TNFRSF1B: variants seen among roughly 807,000 people sequenced by gnomAD.
TNFRSF1B encodes TNF receptor superfamily member 1B.
In TNFRSF1B, 19 loss-of-function variants were observed where a neutral mutation model predicts 44.6. The observed-to-expected ratio is 0.43, with a 90% CI of 0.30 to 0.62. TNFRSF1B has a LOEUF of 0.62. TNFRSF1B is among the 20% of genes least tolerant of loss of function. TNFRSF1B has a pLI of 0.16. For missense variants in TNFRSF1B, 541 were observed against 619.9 expected (o/e 0.87, Z 1.35); for synonymous variants, 252 against 261.1 (o/e 0.97, Z 0.34).
intron 8 of TNFRSF1B, among the ~76,000 whole-genome samples, chr1:12,200,456 G>A (rs1041501550): frequency 6.6e-6 from 1 of 151,996 alleles, no homozygotes; most frequent in Non-Finnish European, 1.5e-5. Flanking sequence ...AGGAATTTCA[G>A]GCTTTGTGGA....
Position 12,169,006 on chromosome 1 carries a change from C to T in TNFRSF1B, c.78+1837C>T, listed in dbSNP as rs1473391843. On this transcript the variant is annotated intron_variant, in intron 1 of 9. Transcript: ENST00000376259. This position sits in a 1 kb window ranked among gnomAD's most constrained non-coding sequence, Gnocchi z 4.5. The stretch of plus-strand genomic sequence containing the variant: ...CCTCTGTAGAACTGATGATGGTCAT[C>T]GTGTGTGTCATTGTGCAAAAAGCAT... Among the ~76,000 whole-genome samples the T allele has an allele frequency of 1.3e-5, 2 of 152,176 alleles. No homozygotes were observed. Among genetic ancestry groups the T allele is most frequent in the Non-Finnish European group, 2.9e-5 (2 of 68,036 alleles).
chr1:12,193,655 T>G (rs1473256786), intron 6 of TNFRSF1B, among the ~76,000 whole-genome samples: 1 of 152,200 alleles, frequency 6.6e-6, no homozygotes, highest in African/African-American at 2.4e-5. Flanking sequence ...ATGGTCTCCT[T>G]GCTGCTGTTT....
At chr1:12,174,154 TCTTCTTCTTCTCCTTCTCCTTCTC>T (rs1638589240) in intron 1 of TNFRSF1B, among the ~76,000 whole-genome samples, 7 of 74,072 alleles carry the variant, frequency 9.5e-5, no homozygotes, top group African/African-American at 4.4e-4. Context: ...TTCTTCTTCT[TCTTCTTCTTCTCCTTCTCCTTCTC>T]CTTCTCCTTC....
intron 2 of TNFRSF1B, among the ~76,000 whole-genome samples, chr1:12,189,722 A>G (rs1639069394): frequency 6.6e-6 from 1 of 152,202 alleles, no homozygotes; most frequent in African/African-American, 2.4e-5. Flanking sequence ...GGTCCTGTCT[A>G]TCTGTAAGTG....
chr1:12,175,045 A>G (rs1468107241), intron 1 of TNFRSF1B, among the ~76,000 whole-genome samples: 3 of 152,184 alleles, frequency 2.0e-5, no homozygotes, highest in African/African-American at 4.8e-5. Flanking sequence ...AGGTTCAGAG[A>G]ATCAGTGCGC....
intron 1 of TNFRSF1B, among the ~76,000 whole-genome samples, chr1:12,174,280 C>T (rs1638603092): frequency 6.8e-6 from 1 of 147,638 alleles, no homozygotes. Context: ...TGGAGTCTGA[C>T]TCCGTTGCCC....
intron 5 of TNFRSF1B, 92 bp downstream of exon 5, chr1:12,192,616 C>A: frequency 7.7e-7 from 1 of 1,292,274 alleles, no homozygotes; most frequent in Non-Finnish European, 1.1e-6. Flanking sequence ...TCACCAACCA[C>A]CATTGTCCAG....
At chr1:12,201,820 G>C in intron 8 of TNFRSF1B, 147 bp from the exon 9 acceptor site, 1 of 1,186,232 alleles carries the variant, frequency 8.4e-7, no homozygotes, top group Non-Finnish European at 1.2e-6. Flanking sequence ...GCCGTGTGTG[G>C]AAAGAACGTG....
At chr1:12,203,152 A>ATTCC (rs1639428281) in intron 9 of TNFRSF1B, among the ~76,000 whole-genome samples, 1 of 152,216 alleles carries the variant, frequency 6.6e-6, no homozygotes, top group Non-Finnish European at 1.5e-5. Context: ...ATGACCATGA[A>ATTCC]CTTGGGTCAG....
chr1:12,187,154 C>CTT lies in TNFRSF1B; in HGVS notation c.79-1628_79-1627dup, dbSNP rs747280935. On this transcript the variant is annotated intron_variant, in intron 1 of 9. Transcript: ENST00000376259. This position sits in a 1 kb window ranked among gnomAD's most constrained non-coding sequence, Gnocchi z 5.5. ...CCTTTGCTTTTCTCTTTTCTCCCCTCTTTTTTTTTTTTTTTCGAGATGGAG... is the reference window on the plus strand; with the variant it reads ...CCTTTGCTTTTCTCTTTTCTCCCCTCTTTTTTTTTTTTTTTTTCGAGATGGAG... 4.3e-5 allele frequency among the ~76,000 whole-genome samples: 6 copies of CTT among 140,818 alleles called. No individual in the cohort carries two copies. The highest frequency in any genetic ancestry group is 1.4e-4 in the Admixed American group (2 of 14,110). 92.4% of individuals were successfully genotyped at this position (140,818 alleles called of 152,430 possible).
In TNFRSF1B at chr1:12,192,527, G is replaced by A. The variant is rs1351097320; in HGVS notation, c.551+3G>A. ...GATATTTGCAGGCCCCACCAGATGT[G>A]AGTAGCTGAGTCCTTTGGTTCTGGA... On this transcript the variant is annotated splice_donor_region_variant and intron_variant, in intron 5 of 9. Transcript: ENST00000376259. The A allele has an allele frequency of 1.2e-6, 2 of 1,613,980 alleles. No homozygotes were observed. Among genetic ancestry groups the A allele is most frequent in the Non-Finnish European group, 1.7e-6 (2 of 1,179,912 alleles).
rs545221293 is a variant in TNFRSF1B at position 12,178,765 on chromosome 1, G to A, written c.79-10031G>A. ...GCGGAGGAGCCAGGTGCTGCTTTGT[G>A]TTGTGACAGCAACAGGTGAGTGATG... On this transcript the variant is annotated intron_variant, in intron 1 of 9. Coordinates refer to ENST00000376259, the MANE Select transcript of TNFRSF1B (RefSeq NM_001066.3). The surrounding 1 kb of genome is among the most constrained non-coding windows in gnomAD (Gnocchi z 4.3). Among the ~76,000 whole-genome samples, 14 of 152,340 alleles carry A rather than the reference G, an allele frequency of 9.2e-5. No homozygotes were observed. The highest frequency in any genetic ancestry group is 3.1e-4 in the African/African-American group (13 of 41,566).
Position 12,205,235 on chromosome 1 carries a change from A to G in TNFRSF1B, c.1106-1505A>G, listed in dbSNP as rs371643760. On this transcript the variant is annotated intron_variant, in intron 9 of 9. Transcript: ENST00000376259. ...AGCTAAGGCCTGAGCACTAGAGAAG[A>G]GCTCTCTAGGCTGAGGGAGCGGCCT... Among the ~76,000 whole-genome samples the G allele has an allele frequency of 1.8e-4, 27 of 152,028 alleles. No homozygotes were observed. The East Asian group carries it at 3.7e-3, about 21-fold the overall frequency.
chr1:12,193,952 T>C lies in TNFRSF1B; in HGVS notation c.788-3T>C, dbSNP rs1639209365. 1 of 1,613,326 alleles carries C rather than the reference T, an allele frequency of 6.2e-7. No homozygotes were observed. Among genetic ancestry groups the C allele is most frequent in the East Asian group, 2.2e-5 (1 of 44,888 alleles). On this transcript the variant is annotated splice_polypyrimidine_tract_variant and splice_region_variant and intron_variant, in intron 6 of 9. Transcript: ENST00000376259. ...GCTGTCTGAGCTTCTCTTTTCTTTCTAGGACTGATTGTGGGTGTGACAGCC... is the reference window on the plus strand; with the variant it reads ...GCTGTCTGAGCTTCTCTTTTCTTTCCAGGACTGATTGTGGGTGTGACAGCC...
In TNFRSF1B at chr1:12,186,125, C is replaced by A. The variant is rs1282185031; in HGVS notation, c.79-2671C>A. ...TGGCAGATTGCTCCATGGCAGGAAGCCCCAGCTCCTCTGGGTCGTTCCCGC... is the reference window on the plus strand; with the variant it reads ...TGGCAGATTGCTCCATGGCAGGAAGACCCAGCTCCTCTGGGTCGTTCCCGC... On this transcript the variant is annotated intron_variant, in intron 1 of 9. Coordinates refer to ENST00000376259, the MANE Select transcript of TNFRSF1B (RefSeq NM_001066.3). This position sits in a 1 kb window ranked among gnomAD's most constrained non-coding sequence, Gnocchi z 4.8. Among the ~76,000 whole-genome samples, 1 of 152,182 alleles carries A rather than the reference C, an allele frequency of 6.6e-6. No homozygotes were observed. Among genetic ancestry groups the A allele is most frequent in the African/African-American group, 2.4e-5 (1 of 41,442 alleles).
At chr1:12,174,157 T>TCTTCTTCTTCTTCTCCTTCTC (rs1638589998) in intron 1 of TNFRSF1B, among the ~76,000 whole-genome samples, 1 of 98,526 alleles carries the variant, frequency 1.0e-5, no homozygotes, top group Admixed American at 1.0e-4. Flanking sequence ...TTCTTCTTCT[T>TCTTCTTCTTCTTCTCCTTCTC]CTTCTTCTCC....
chr1:12,195,312 T>C (rs1322832353), intron 8 of TNFRSF1B, among the ~76,000 whole-genome samples: 2 of 152,216 alleles, frequency 1.3e-5, no homozygotes, highest in African/African-American at 4.8e-5. Context: ...CAGGTGACTT[T>C]AGAAAAAATG....
chr1:12,200,835 G>T (rs1344505238), intron 8 of TNFRSF1B, among the ~76,000 whole-genome samples: 1 of 152,072 alleles, frequency 6.6e-6, no homozygotes, highest in Non-Finnish European at 1.5e-5. Flanking sequence ...TGGTCAGGCT[G>T]GTCCCCAACT....
chr1:12,201,882 T>A, intron 8 of TNFRSF1B, 85 bp from the exon 9 acceptor site: 1 of 1,477,088 alleles, frequency 6.8e-7, no homozygotes. Flanking sequence ...TGGCAGGAGG[T>A]GTGGATGGCA....
Sources: allele counts gnomAD v4.1 joint callset (sites outside exome capture counted in the v4.1 genomes callset), GRCh38; gene constraint gnomAD v4.1.1; non-coding constraint Gnocchi (gnomAD v3.1); transcripts MANE v1.5; gene names NCBI Gene and HGNC (gene_info 2026-07-23, HGNC 2026-07-21).